The following SNTA1 variants were observed in gnomAD, a reference collection of about 807,000 sequenced individuals.
SNTA1 encodes alpha-1-syntrophin.
A neutral mutation model predicts 47.1 loss-of-function variants in SNTA1; 31 were observed. The ratio of observed to expected loss-of-function variants is 0.66; its 90% CI spans 0.49 to 0.89. The LOEUF is 0.89. SNTA1 is among the 40% of genes least tolerant of loss of function. SNTA1 has a pLI of 0.00. For missense variants in SNTA1, 575 were observed against 693.0 expected (o/e 0.83, Z 1.91); for synonymous variants, 300 against 313.6 (o/e 0.96, Z 0.46).
chr20:33,427,657 T>C (rs1990200335), intron 2 of SNTA1, among the ~76,000 whole-genome samples: 1 of 152,110 alleles, frequency 6.6e-6, no homozygotes, highest in African/African-American at 2.4e-5. Flanking sequence ...ACAGCAACCC[T>C]TCCAGGAACC....
In SNTA1 at chr20:33,438,836, C is replaced by A; in HGVS notation, c.496+5G>T. The A allele has an allele frequency of 6.2e-7, 1 of 1,612,950 alleles. No homozygotes were observed. The highest frequency in any genetic ancestry group is 8.5e-7 in the Non-Finnish European group (1 of 1,179,520). On this transcript the variant is annotated splice_donor_5th_base_variant and intron_variant, in intron 2 of 7. Transcript: ENST00000217381. ...CCCTCTGAACCCTGGAACGTCAGTG[C>A]TTACCCTCCAGCACCACCTCCTTGC...
intron 3 of SNTA1, among the ~76,000 whole-genome samples, chr20:33,414,118 A>T (rs561089739): frequency 1.1e-4 from 17 of 152,004 alleles, no homozygotes; most frequent in African/African-American, 4.1e-4. Flanking sequence ...CATGCCTGTA[A>T]TCCCAGCTAC....
chr20:33,408,434 A>T lies in SNTA1; in HGVS notation c.*73T>A. ...CCCTTCCCTCAGCCCAGGGGTGAGC[A>T]GGCAGTCGGTGGAGGCCCAGCTCAG... On this transcript the variant is annotated 3_prime_UTR_variant, in exon 8 of 8. Transcript: ENST00000217381. The T allele has an allele frequency of 9.5e-7, 1 of 1,056,338 alleles. No individual in the cohort carries two copies. The highest frequency in any genetic ancestry group is 1.3e-5 in the South Asian group (1 of 77,640). 65.4% of individuals were successfully genotyped at this position (1,056,338 alleles called of 1,614,324 possible).
Position 33,416,986 on chromosome 20 carries a change from G to A in SNTA1, c.701+733C>T, listed in dbSNP as rs181851309. Among the ~76,000 whole-genome samples the A allele has an allele frequency of 6.6e-5, 10 of 150,412 alleles. No individual in the cohort carries two copies. The East Asian group carries it at 7.8e-4, about 12-fold the overall frequency. ...AAGTTAGCCAGGTGTGGTGGTGGGC[G>A]CCTGTAGTCCCAGCTACTTAGGAGG... On this transcript the variant is annotated intron_variant, in intron 3 of 7. Transcript: ENST00000217381.
At chr20:33,424,437 C>T (rs1220015221) in intron 2 of SNTA1, among the ~76,000 whole-genome samples, 1 of 151,350 alleles carries the variant, frequency 6.6e-6, no homozygotes, top group Non-Finnish European at 1.5e-5. Flanking sequence ...ACTTTGGAAG[C>T]CTTAGGTGGG....
chr20:33,443,442 T>C lies in SNTA1; in HGVS notation c.179A>G (p.Glu60Gly), dbSNP rs1990630785. 2.9e-6 allele frequency: 4 copies of C among 1,357,036 alleles called. No homozygotes were observed. The allele number at this position is 1,357,036 out of a possible 1,614,324, so 84.1% of individuals were successfully genotyped here. The change falls in exon 1 of 8, where the codon GAG (glutamate) becomes GGG (glycine). Residue 60 changes from glutamate (E) to glycine (G), a missense_variant. Glu to Gly is a moderately conservative substitution (Grantham distance 98). Transcript: ENST00000217381. ...GPEPGAPREQ[E>G]PAQLNGAAEP... ...CGCGGCGCCGTTGAGCTGCGCGGGCTCCTGCTCCCGCGGAGCGCCGGGCTC... is the reference window on the plus strand; with the variant it reads ...CGCGGCGCCGTTGAGCTGCGCGGGCCCCTGCTCCCGCGGAGCGCCGGGCTC...
chr20:33,411,577 C>T (rs1172441392), intron 5 of SNTA1, among the ~76,000 whole-genome samples: 4 of 152,188 alleles, frequency 2.6e-5, no homozygotes, highest in Admixed American at 6.5e-5. Flanking sequence ...GCATTCTCCA[C>T]GTGGCAGCCA....
In SNTA1 at chr20:33,413,390, A is replaced by T. The variant is rs1174130992; in HGVS notation, c.702-608T>A. ...ATGATCACCCCGCCTTCGCCCTCCA[A>T]AGTGCTGGGATTACAGGCATGAGCC... On this transcript the variant is annotated intron_variant, in intron 3 of 7. Coordinates refer to ENST00000217381, the MANE Select transcript of SNTA1 (RefSeq NM_003098.3). 3.3e-5 allele frequency among the ~76,000 whole-genome samples: 5 copies of T among 152,146 alleles called. No individual in the cohort carries two copies. In the South Asian group the frequency reaches 6.2e-4, roughly 19 times the overall value.
At chr20:33,427,316 C>A (rs574745235) in intron 2 of SNTA1, among the ~76,000 whole-genome samples, 1 of 152,202 alleles carries the variant, frequency 6.6e-6, no homozygotes, top group Admixed American at 6.6e-5. Flanking sequence ...GCCTCAGTTT[C>A]TTTGCCTATA....
chr20:33,440,111 G>A (rs1003511283), intron 1 of SNTA1, among the ~76,000 whole-genome samples: 1 of 151,702 alleles, frequency 6.6e-6, no homozygotes, highest in African/African-American at 2.4e-5. Context: ...GGCAACAAAA[G>A]TGAAACTCTG....
intron 2 of SNTA1, among the ~76,000 whole-genome samples, chr20:33,426,491 G>A (rs1990174470): frequency 6.6e-6 from 1 of 150,830 alleles, no homozygotes; most frequent in Non-Finnish European, 1.5e-5. Flanking sequence ...GTTGGGCACA[G>A]TGGCTCATGC....
chr20:33,426,761 A>C (rs1990180411), intron 2 of SNTA1, among the ~76,000 whole-genome samples: 1 of 151,750 alleles, frequency 6.6e-6, no homozygotes, highest in African/African-American at 2.4e-5. Flanking sequence ...TCAAACAAAC[A>C]AACAAAAACA....
At chr20:33,434,208 C>G (rs981825226) in intron 2 of SNTA1, among the ~76,000 whole-genome samples, 1 of 152,100 alleles carries the variant, frequency 6.6e-6, no homozygotes, top group Non-Finnish European at 1.5e-5. Context: ...AACTGCCAGG[C>G]CCAGACCTTC....
intron 2 of SNTA1, among the ~76,000 whole-genome samples, chr20:33,430,150 G>C (rs182986972): frequency 3.3e-5 from 5 of 151,986 alleles, no homozygotes. Flanking sequence ...CTTAGTGATG[G>C]GAGAAAGCAG....
chr20:33,422,302 G>A (rs968234540), intron 2 of SNTA1, among the ~76,000 whole-genome samples: 4 of 151,984 alleles, frequency 2.6e-5, no homozygotes, highest in African/African-American at 7.3e-5. Context: ...AGCCGGGCAT[G>A]GTGGCGTGCA....
intron 1 of SNTA1, 23 bp downstream of exon 1, chr20:33,443,288 C>A: frequency 6.7e-7 from 1 of 1,496,752 alleles, no homozygotes; most frequent in Non-Finnish European, 8.9e-7. Context: ...CACGACCCCG[C>A]GCCCTCGGTG....
chr20:33,437,934 A>C (rs1315793583), intron 2 of SNTA1, among the ~76,000 whole-genome samples: 1 of 152,242 alleles, frequency 6.6e-6, no homozygotes, highest in African/African-American at 2.4e-5. Context: ...CAGTGGAGAA[A>C]GCCATTCAAC....
intron 2 of SNTA1, among the ~76,000 whole-genome samples, chr20:33,425,364 G>A (rs1990144141): frequency 6.6e-6 from 1 of 151,968 alleles, no homozygotes; most frequent in Admixed American, 6.6e-5. Context: ...CAAAAACATT[G>A]AAAGTGGGTC....
At chr20:33,424,491 T>G (rs548325842) in intron 2 of SNTA1, among the ~76,000 whole-genome samples, 1 of 150,524 alleles carries the variant, frequency 6.6e-6, no homozygotes, top group East Asian at 2.0e-4. Context: ...CTGGGTGACA[T>G]AGGGAGACCC....
Sources: allele counts gnomAD v4.1 joint callset (sites outside exome capture counted in the v4.1 genomes callset), GRCh38; gene constraint gnomAD v4.1.1; transcripts MANE v1.5; gene names NCBI Gene and HGNC (gene_info 2026-07-23, HGNC 2026-07-21).